PRR11: variants seen among roughly 807,000 people sequenced by gnomAD.
The protein encoded by PRR11 is proline-rich protein 11.
PRR11 carries 30 observed loss-of-function variants against 45.6 expected under a neutral mutation model. That is an observed-to-expected ratio of 0.66 (90% CI 0.49 to 0.89). PRR11 has a LOEUF of 0.89. PRR11 is among the 40% of genes least tolerant of loss of function. PRR11 has a pLI of 0.00. For missense variants in PRR11, 373 were observed against 424.8 expected (o/e 0.88, Z 1.07); for synonymous variants, 128 against 153.5 (o/e 0.83, Z 1.23).
chr17:59,170,433 T>G (rs1359418404), intron 2 of PRR11, among the ~76,000 whole-genome samples: 1 of 152,062 alleles, frequency 6.6e-6, no homozygotes, highest in East Asian at 1.9e-4. Flanking sequence ...GACTGAGTCT[T>G]ACTCTGTCAC....
At position 59,185,217 on chromosome 17, in the gene PRR11, C is replaced by T; in HGVS notation, c.279+13C>T. ...CTGCATAACCCAGGTATGGATGTGA[C>T]ATCCCTGTTTTCAGTGCTATAGTTT... On this transcript the variant is annotated intron_variant, in intron 3 of 9. Transcript: ENST00000262293. The T allele has an allele frequency of 6.2e-7, 1 of 1,612,560 alleles. No homozygotes were observed. Among genetic ancestry groups the T allele is most frequent in the Non-Finnish European group, 8.5e-7 (1 of 1,179,214 alleles).
chr17:59,181,711 A>T, intron 2 of PRR11: 1 of 1,554,208 alleles, frequency 6.4e-7, no homozygotes, highest in Non-Finnish European at 8.7e-7. Context: ...TTTCCAGCAA[A>T]GGGACCTACA....
At chr17:59,188,624 C>T (rs1352637149) in intron 4 of PRR11, among the ~76,000 whole-genome samples, 1 of 151,966 alleles carries the variant, frequency 6.6e-6, no homozygotes, top group African/African-American at 2.4e-5. Context: ...AGTCCCCCTC[C>T]CCCAGGAAAA....
In PRR11 at chr17:59,169,884, A is replaced by C; in HGVS notation, c.128+4A>C. The C allele has an allele frequency of 6.3e-7, 1 of 1,593,972 alleles. No homozygotes were observed. The highest frequency in any genetic ancestry group is 8.5e-7 in the Non-Finnish European group (1 of 1,174,558). On this transcript the variant is annotated splice_donor_region_variant and intron_variant, in intron 2 of 9. Coordinates refer to ENST00000262293, the MANE Select transcript of PRR11 (RefSeq NM_018304.4). ...CTCCACCACCCTCACCAGAAAGGTA[A>C]GGCTTAATGTGGAACAGAAAAAATA...
At chr17:59,190,792 A>G (rs1330941785) in intron 4 of PRR11, among the ~76,000 whole-genome samples, 2 of 152,228 alleles carry the variant, frequency 1.3e-5, no homozygotes, top group Non-Finnish European at 2.9e-5. Context: ...TCTTATTCTC[A>G]TAACAGAACC....
chr17:59,165,984 TG>T (rs2046678192), intron 1 of PRR11, among the ~76,000 whole-genome samples: 3 of 152,178 alleles, frequency 2.0e-5, no homozygotes, highest in African/African-American at 7.2e-5. Context: ...CTTGTCAAAT[TG>T]GGACCTGATA....
chr17:59,168,264 G>A (rs999783207), intron 1 of PRR11, among the ~76,000 whole-genome samples: 1 of 151,688 alleles, frequency 6.6e-6, no homozygotes, highest in African/African-American at 2.4e-5. Flanking sequence ...TGCCTCCTGG[G>A]TTCAAGTGAT....
chr17:59,175,043 C>A, intron 2 of PRR11: 1 of 622,000 alleles, frequency 1.6e-6, no homozygotes, highest in Non-Finnish European at 2.9e-6. Context: ...ACAAGGGTAT[C>A]TGGGAGTGGT....
intron 4 of PRR11, among the ~76,000 whole-genome samples, chr17:59,192,468 G>T (rs1395190086): frequency 1.3e-5 from 2 of 152,146 alleles, no homozygotes; most frequent in Non-Finnish European, 2.9e-5. Flanking sequence ...TGCTAGAGCT[G>T]CCATAACAAA....
intron 9 of PRR11, 166 bp downstream of exon 9, chr17:59,197,955 A>G: frequency 1.6e-6 from 1 of 617,734 alleles, no homozygotes; most frequent in Non-Finnish European, 2.8e-6. Context: ...CTCTACAAAA[A>G]ATACAAAAAA....
chr17:59,161,624 T>C (rs2046653341), intron 1 of PRR11, among the ~76,000 whole-genome samples: 1 of 151,830 alleles, frequency 6.6e-6, no homozygotes, highest in Non-Finnish European at 1.5e-5. Context: ...TGGTACGCCC[T>C]TGTAGTTCCA....
At chr17:59,196,200 A>G (rs2046865222) in intron 7 of PRR11, among the ~76,000 whole-genome samples, 1 of 152,130 alleles carries the variant, frequency 6.6e-6, no homozygotes, top group South Asian at 2.1e-4. Context: ...TGACACTTTA[A>G]GTTAATTTTC....
At chr17:59,197,466 T>C in intron 7 of PRR11, 78 bp from the exon 8 acceptor site, 1 of 1,291,308 alleles carries the variant, frequency 7.7e-7, no homozygotes, top group Non-Finnish European at 1.1e-6. Context: ...TTAGCAAGGA[T>C]GGTCTTGATC....
At chr17:59,189,556 A>G (rs1424001660) in intron 4 of PRR11, among the ~76,000 whole-genome samples, 2 of 151,506 alleles carry the variant, frequency 1.3e-5, no homozygotes, top group African/African-American at 2.4e-5. Flanking sequence ...CTGGTCTTGA[A>G]CTCCTGACCT....
At chr17:59,172,875 G>A (rs775175504) in intron 2 of PRR11, among the ~76,000 whole-genome samples, 63 of 152,348 alleles carry the variant, frequency 4.1e-4, no homozygotes, top group Non-Finnish European at 7.2e-4. Flanking sequence ...AGCACCCATC[G>A]CATGCCCGCC....
intron 2 of PRR11, among the ~76,000 whole-genome samples, chr17:59,173,385 T>C (rs185469819): frequency 1.3e-5 from 2 of 152,314 alleles, no homozygotes; most frequent in Non-Finnish European, 2.9e-5. Flanking sequence ...TCTTTGGCAC[T>C]TTGCAATGAA....
rs2046909740 is a variant in PRR11 at position 59,204,697 on chromosome 17, C to T, written c.*3066C>T. 1.3e-5 allele frequency: 2 copies of T among 150,670 alleles called. No individual in the cohort carries two copies. Among genetic ancestry groups the T allele is most frequent in the Admixed American group, 6.7e-5 (1 of 14,924 alleles). 9.3% of individuals were successfully genotyped at this position (150,670 alleles called of 1,614,324 possible). A position where few individuals can be genotyped will look rare whatever the true frequency, so the allele number is the denominator to read the frequency against. ...CTCCAGTCTGGACAACAGAGTGAGA[C>T]CCTGTGTCAAAAAAAAAAAAAAGAA... is the stretch of plus-strand genomic sequence containing the variant. On this transcript the variant is annotated 3_prime_UTR_variant, in exon 10 of 10. Transcript: ENST00000262293.
chr17:59,194,265 CCT>C (rs1181306917), intron 5 of PRR11, among the ~76,000 whole-genome samples: 3 of 90,440 alleles, frequency 3.3e-5, no homozygotes, highest in Admixed American at 1.1e-4. Flanking sequence ...TCTTCCCAAT[CCT>C]CACACACACA....
rs149473154 is a variant in PRR11, at chr17:59,170,341, G to A, written c.128+461G>A. The stretch of plus-strand genomic sequence containing the variant: ...ATAATTATGTCCTATGTGACATTTG[G>A]AATATATTTATACTAAAATTATGCA... On this transcript the variant is annotated intron_variant, in intron 2 of 9. Transcript: ENST00000262293. Among the ~76,000 whole-genome samples the A allele has an allele frequency of 5.3e-5, 8 of 151,948 alleles. No homozygotes were observed. In the East Asian group the frequency reaches 1.5e-3, roughly 29 times the overall value.
Sources: gnomAD v4.1 joint callset for allele counts (sites outside exome capture counted in the v4.1 genomes callset) on GRCh38, gnomAD v4.1.1 for gene constraint, MANE v1.5 for transcripts, NCBI Gene and HGNC (gene_info 2026-07-23, HGNC 2026-07-21) for gene names.